The following PACS1 variants were observed in gnomAD, a reference collection of about 807,000 sequenced individuals.
PACS1 encodes the protein phosphofurin acidic cluster sorting protein 1.
Under a neutral mutation model 115.0 loss-of-function variants are expected in PACS1, and 24 were observed. That is an observed-to-expected ratio of 0.21 (90% CI 0.15 to 0.29). The LOEUF (loss-of-function observed/expected upper bound fraction) is 0.29. Ranked by LOEUF, PACS1 falls within the 10% of genes least tolerant of loss-of-function variation. The pLI is 1.00. For missense variants in PACS1, 838 were observed against 1,251.2 expected, an observed-to-expected ratio of 0.67 and a Z score of 4.98; for synonymous variants, 453 against 504.5, an observed-to-expected ratio of 0.90 and a Z score of 1.37.
chr11:66,215,412 G>A (rs182731982), intron 4 of PACS1, among the ~76,000 whole-genome samples: 21 of 151,710 alleles, frequency 1.4e-4, no homozygotes, highest in Non-Finnish European at 2.9e-4. Context: ...AGATCAGACT[G>A]GGCAACATAG....
intron 19 of PACS1, among the ~76,000 whole-genome samples, chr11:66,237,400 C>T (rs573460507): frequency 3.9e-5 from 6 of 152,220 alleles, no homozygotes; most frequent in Non-Finnish European, 7.3e-5. Flanking sequence ...GAGGCTCCCT[C>T]GTAGCTTCTA....
At chr11:66,093,115 C>T (rs917181979) in intron 1 of PACS1, among the ~76,000 whole-genome samples, 8 of 152,180 alleles carry the variant, frequency 5.3e-5, no homozygotes, top group Admixed American at 4.6e-4. Context: ...GCAGTATGGC[C>T]ATTTTCACGA....
chr11:66,101,435 C>T (rs1033751381), intron 1 of PACS1, among the ~76,000 whole-genome samples: 1 of 152,174 alleles, frequency 6.6e-6, no homozygotes, highest in African/African-American at 2.4e-5. Context: ...TTTTTCTGAA[C>T]ACCTTGGAGA....
chr11:66,082,027 T>C (rs1312568147), intron 1 of PACS1, among the ~76,000 whole-genome samples: 2 of 152,346 alleles, frequency 1.3e-5, no homozygotes, highest in African/African-American at 4.8e-5. Flanking sequence ...ATCAGGACTT[T>C]ATTTTTCCAT....
At chr11:66,071,090 C>G (rs1857301773) in intron 1 of PACS1, among the ~76,000 whole-genome samples, 1 of 152,208 alleles carries the variant, frequency 6.6e-6, no homozygotes, top group Non-Finnish European at 1.5e-5. Flanking sequence ...GGCCTCGGCC[C>G]CGGGCTTTCT....
chr11:66,113,844 C>T (rs1443532680), intron 1 of PACS1, among the ~76,000 whole-genome samples: 1 of 152,142 alleles, frequency 6.6e-6, no homozygotes, highest in East Asian at 1.9e-4. Context: ...CAGAATCACC[C>T]AGTCCTTTCT....
At chr11:66,172,569 C>CT (rs1565133367) in intron 1 of PACS1, among the ~76,000 whole-genome samples, 1 of 152,188 alleles carries the variant, frequency 6.6e-6, no homozygotes, top group Non-Finnish European at 1.5e-5. Context: ...GATCCTGCAG[C>CT]CCCCTCAAGT....
rs535543063 is a variant in PACS1, at chr11:66,205,449, C to T, written c.445-4913C>T. 5.3e-5 allele frequency among the ~76,000 whole-genome samples: 8 copies of T among 151,720 alleles called. 1 individual carries two copies. The highest frequency in any genetic ancestry group is 2.1e-4 in the South Asian group (1 of 4,816). Reference sequence around the variant, plus strand: ...ATAAATAAATGATAAATGCTTGAGGCGATGGATACCCAATATAACCTGATG... The same window carrying T: ...ATAAATAAATGATAAATGCTTGAGGTGATGGATACCCAATATAACCTGATG... On this transcript the variant is annotated intron_variant, in intron 2 of 23. Transcript: ENST00000320580.
Position 66,119,366 on chromosome 11 carries a change from T to G in PACS1, c.356+48524T>G, listed in dbSNP as rs969255755. Among the ~76,000 whole-genome samples the G allele has an allele frequency of 6.6e-5, 10 of 152,254 alleles. 1 individual carries two copies. Among genetic ancestry groups the G allele is most frequent in the Admixed American group, 6.5e-4 (10 of 15,288 alleles). ...TCGTTTGTATATGGTCTGTGGCTGC[T>G]TTCTCCCTACAACGGTAGAATTGAA... is the stretch of plus-strand genomic sequence containing the variant. On this transcript the variant is annotated intron_variant, in intron 1 of 23. Coordinates refer to ENST00000320580, the MANE Select transcript of PACS1 (RefSeq NM_018026.4).
intron 1 of PACS1, among the ~76,000 whole-genome samples, chr11:66,145,796 T>G (rs534610973): frequency 6.6e-6 from 1 of 152,194 alleles, no homozygotes; most frequent in Non-Finnish European, 1.5e-5. Context: ...GCTCAAGAGA[T>G]GCAAACACAA....
chr11:66,206,788 G>A (rs1854951747), intron 2 of PACS1, among the ~76,000 whole-genome samples: 1 of 152,166 alleles, frequency 6.6e-6, no homozygotes, highest in African/African-American at 2.4e-5. Flanking sequence ...GGGAGGTGAG[G>A]GCCATGCAGG....
intron 1 of PACS1, among the ~76,000 whole-genome samples, chr11:66,174,756 G>A (rs907044876): frequency 1.3e-4 from 20 of 152,192 alleles, no homozygotes; most frequent in Non-Finnish European, 1.6e-4. Flanking sequence ...ATGGGCACAA[G>A]GGGTCGTATT....
chr11:66,174,045 T>C (rs1859796645), intron 1 of PACS1, among the ~76,000 whole-genome samples: 1 of 151,306 alleles, frequency 6.6e-6, no homozygotes, highest in Non-Finnish European at 1.5e-5. Flanking sequence ...AGCAAGACTC[T>C]GTCTCAAAAA....
intron 7 of PACS1, chr11:66,219,445 G>A (rs922527774): frequency 1.2e-5 from 6 of 505,480 alleles, no homozygotes; most frequent in African/African-American, 5.7e-5. Flanking sequence ...CTGTGAATCC[G>A]AAGGGCAAGA....
chr11:66,111,217 G>T (rs1256519877), intron 1 of PACS1, among the ~76,000 whole-genome samples: 1 of 152,114 alleles, frequency 6.6e-6, no homozygotes, highest in African/African-American at 2.4e-5. Flanking sequence ...CATAGAAAAG[G>T]TACAGTAAAA....
At chr11:66,108,812 A>AGAAT (rs943139861) in intron 1 of PACS1, among the ~76,000 whole-genome samples, 10 of 152,048 alleles carry the variant, frequency 6.6e-5, no homozygotes, top group Admixed American at 2.6e-4. Flanking sequence ...AAAGAAAGAA[A>AGAAT]GAATGAATGA....
chr11:66,074,691 A>AT (rs1274193433), intron 1 of PACS1, among the ~76,000 whole-genome samples: 2 of 151,864 alleles, frequency 1.3e-5, no homozygotes, highest in South Asian at 2.1e-4. Flanking sequence ...CTTAGGTCAC[A>AT]TTTTTTTTAA....
At chr11:66,083,892 G>C (rs1340081243) in intron 1 of PACS1, 1 of 152,216 alleles carries the variant, frequency 6.6e-6, no homozygotes, top group Non-Finnish European at 1.5e-5. Context: ...TGTGGGTTTG[G>C]ATAAGTCTTT....
chr11:66,139,484 A>AC (rs1318694829), intron 1 of PACS1, among the ~76,000 whole-genome samples: 2 of 110,678 alleles, frequency 1.8e-5, no homozygotes, highest in Non-Finnish European at 3.7e-5. Flanking sequence ...CCTCCCATCC[A>AC]CCCCCCTAAC....
Sources: allele counts gnomAD v4.1 joint callset (sites outside exome capture counted in the v4.1 genomes callset), GRCh38; gene constraint gnomAD v4.1.1; transcripts MANE v1.5; gene names NCBI Gene and HGNC (gene_info 2026-07-23, HGNC 2026-07-21).